The following PRKCA variants were observed in gnomAD, a reference collection of about 807,000 sequenced individuals.
The protein encoded by PRKCA is protein kinase C alpha type.
Under a neutral mutation model 87.0 loss-of-function variants are expected in PRKCA, and 27 were observed. That is an observed-to-expected ratio of 0.31 (90% CI 0.23 to 0.43). The LOEUF is 0.43. Ranked by LOEUF, PRKCA falls within the 20% of genes least tolerant of loss-of-function variation. The pLI is 1.00. For missense variants in PRKCA, 518 were observed against 852.3 expected, an observed-to-expected ratio of 0.61 and a Z score of 4.88; for synonymous variants, 329 against 311.1, an observed-to-expected ratio of 1.06 and a Z score of -0.61.
At chr17:66,780,937 A>G (rs946338354) in intron 14 of PRKCA, among the ~76,000 whole-genome samples, 22 of 151,782 alleles carry the variant, frequency 1.4e-4, no homozygotes, top group African/African-American at 4.8e-4. Flanking sequence ...GTGAAACTCC[A>G]TCTCTAATAA....
intron 5 of PRKCA, among the ~76,000 whole-genome samples, chr17:66,652,954 G>T (rs893479292): frequency 1.3e-5 from 2 of 152,226 alleles, no homozygotes; most frequent in African/African-American, 4.8e-5. Context: ...GTGTTTCCTT[G>T]TGGTTCTGCA....
At position 66,580,707 on chromosome 17, in the gene PRKCA, A is replaced by G. The variant is rs534092683; in HGVS notation, c.289-60648A>G. Among the ~76,000 whole-genome samples, 4 of 152,336 alleles carry G rather than the reference A, an allele frequency of 2.6e-5. No homozygotes were observed. The East Asian group carries it at 7.7e-4, about 29-fold the overall frequency. On this transcript the variant is annotated intron_variant, in intron 3 of 16. Transcript: ENST00000413366. ...AAGTGGGTTTTCGCCAACTAAACAC[A>G]CTTATGATCAAAACATGCCCGGATT...
chr17:66,502,820 A>G (rs1916799757), intron 3 of PRKCA, among the ~76,000 whole-genome samples: 1 of 151,410 alleles, frequency 6.6e-6, no homozygotes, highest in African/African-American at 2.4e-5. Context: ...ACACCTGGCT[A>G]ATTTTTTTTT....
intron 5 of PRKCA, among the ~76,000 whole-genome samples, chr17:66,656,829 C>A (rs545685082): frequency 6.6e-6 from 1 of 152,108 alleles, no homozygotes; most frequent in South Asian, 2.1e-4. Flanking sequence ...TCATCTTCAA[C>A]GGTGGGTGGG....
At chr17:66,341,704 C>T (rs1265241362) in intron 2 of PRKCA, among the ~76,000 whole-genome samples, 1 of 152,190 alleles carries the variant, frequency 6.6e-6, no homozygotes, top group Middle Eastern at 3.2e-3. Flanking sequence ...CAGGTATGCT[C>T]CCAGCACAGT....
In PRKCA at chr17:66,302,842, G is replaced by GC. The variant is rs3833857; in HGVS notation, c.-10_-9insC. 6.5e-6 allele frequency: 10 copies of GC among 1,528,382 alleles called. No homozygotes were observed. The highest frequency in any genetic ancestry group is 5.1e-5 in the East Asian group (2 of 39,566). 94.7% of individuals were successfully genotyped at this position (1,528,382 alleles called of 1,614,324 possible). A position where few individuals can be genotyped will look rare whatever the true frequency, so the allele number is the denominator to read the frequency against. Reference sequence around the variant, plus strand: ...TCCCCGGCGGAGGCAAGAGGTGGTTGGGGGGGACCATGGCTGACGTTTTCC... The same window carrying GC: ...TCCCCGGCGGAGGCAAGAGGTGGTTGCGGGGGGACCATGGCTGACGTTTTCC... On this transcript the variant is annotated 5_prime_UTR_variant, in exon 1 of 17. Coordinates refer to ENST00000413366, the MANE Select transcript of PRKCA (RefSeq NM_002737.3).
chr17:66,732,128 T>TAA (rs2085216510), intron 8 of PRKCA, among the ~76,000 whole-genome samples: 1 of 95,318 alleles, frequency 1.0e-5, no homozygotes. Context: ...AAAAAAAAAA[T>TAA]CAAAAAAAAA....
chr17:66,396,957 CTTTTTTTTTTTTT>C lies in PRKCA; in HGVS notation c.205+90844_205+90856del, dbSNP rs35135551. Among the ~76,000 whole-genome samples the C allele has an allele frequency of 8.0e-3, 415 of 52,176 alleles. 2 individuals are homozygous for C. Among genetic ancestry groups the C allele is most frequent in the African/African-American group, 0.029 (404 of 13,884 alleles). The allele number at this position is 52,176 out of a possible 152,430, so 34.2% of individuals were successfully genotyped here. A position where few individuals can be genotyped will look rare whatever the true frequency, so the allele number is the denominator to read the frequency against. ...CAATCATTCAGTCAAACAATCAAGA[CTTTTTTTTTTTTT>C]TTTTTTTTTTTTTGAGACAGAGTCT... is the stretch of plus-strand genomic sequence containing the variant. On this transcript the variant is annotated intron_variant, in intron 2 of 16. Transcript: ENST00000413366.
intron 2 of PRKCA, among the ~76,000 whole-genome samples, chr17:66,449,730 T>C (rs1456978087): frequency 6.6e-6 from 1 of 152,192 alleles, no homozygotes; most frequent in African/African-American, 2.4e-5. Context: ...GCTGAGGTTG[T>C]TGCTGTAATT....
chr17:66,703,035 A>G (rs1973100786), intron 8 of PRKCA, among the ~76,000 whole-genome samples: 1 of 152,168 alleles, frequency 6.6e-6, no homozygotes, highest in African/African-American at 2.4e-5. Flanking sequence ...TGGGTAAGTG[A>G]GTGAGTGGTG....
chr17:66,629,906 A>G (rs1970962158), intron 3 of PRKCA, among the ~76,000 whole-genome samples: 1 of 152,204 alleles, frequency 6.6e-6, no homozygotes, highest in African/African-American at 2.4e-5. Context: ...GTCTGTTCAT[A>G]GCATTGGGCC....
chr17:66,487,394 T>C (rs1180049626), intron 2 of PRKCA, among the ~76,000 whole-genome samples: 2 of 152,264 alleles, frequency 1.3e-5, no homozygotes, highest in Non-Finnish European at 2.9e-5. Flanking sequence ...TTTGTAGACA[T>C]ACTACGTCTT....
intron 2 of PRKCA, among the ~76,000 whole-genome samples, chr17:66,472,997 C>T (rs1395402609): frequency 6.6e-6 from 1 of 152,146 alleles, no homozygotes; most frequent in Non-Finnish European, 1.5e-5. Context: ...ATCATCGTAA[C>T]TGTAGCACCA....
chr17:66,566,479 G>GTTTTTTTTTTTTTTTTT (rs368602635), intron 3 of PRKCA, among the ~76,000 whole-genome samples: 1 of 74,704 alleles, frequency 1.3e-5, no homozygotes, highest in South Asian at 5.5e-4. Context: ...GTTGTTTTTT[G>GTTTTTTTTTTTTTTTTT]GTTTTTTTTT....
At chr17:66,360,258 T>C (rs1908310198) in intron 2 of PRKCA, among the ~76,000 whole-genome samples, 1 of 152,134 alleles carries the variant, frequency 6.6e-6, no homozygotes, top group South Asian at 2.1e-4. Flanking sequence ...CCCTTTCACA[T>C]TGGCTGAGGG....
intron 2 of PRKCA, among the ~76,000 whole-genome samples, chr17:66,336,848 G>T (rs1906725386): frequency 6.6e-6 from 1 of 151,260 alleles, no homozygotes; most frequent in East Asian, 2.0e-4. Flanking sequence ...GAGTGCAGTG[G>T]CGTGATCTCG....
intron 13 of PRKCA, among the ~76,000 whole-genome samples, chr17:66,757,017 A>G (rs1974564161): frequency 6.6e-6 from 1 of 152,172 alleles, no homozygotes; most frequent in Non-Finnish European, 1.5e-5. Context: ...TTAGTGGAAA[A>G]AAGTAGACAG....
chr17:66,333,284 A>G (rs1480669434), intron 2 of PRKCA, among the ~76,000 whole-genome samples: 1 of 152,248 alleles, frequency 6.6e-6, no homozygotes, highest in African/African-American at 2.4e-5. Flanking sequence ...TATAGCAAAT[A>G]AGCATAATTT....
At chr17:66,384,485 A>G (rs773309168) in intron 2 of PRKCA, among the ~76,000 whole-genome samples, 3 of 152,234 alleles carry the variant, frequency 2.0e-5, no homozygotes, top group Non-Finnish European at 2.9e-5. Flanking sequence ...TCATTTTTAG[A>G]ATAAAACGTT....
Sources: allele counts gnomAD v4.1 joint callset (sites outside exome capture counted in the v4.1 genomes callset), GRCh38; gene constraint gnomAD v4.1.1; transcripts MANE v1.5; gene names NCBI Gene and HGNC (gene_info 2026-07-23, HGNC 2026-07-21).